The following LINGO2 variants were observed in gnomAD, a reference collection of about 807,000 sequenced individuals.
The protein encoded by LINGO2 is leucine-rich repeat and immunoglobulin-like domain-containing nogo receptor-interacting protein 2.
A neutral mutation model predicts 30.6 loss-of-function variants in LINGO2; 14 were observed. The ratio of observed to expected loss-of-function variants is 0.46; its 90% CI spans 0.30 to 0.72. LINGO2 has a LOEUF of 0.72. LINGO2 is among the 30% of genes least tolerant of loss of function. The pLI is 0.07. For missense variants in LINGO2, 729 were observed against 751.7 expected (o/e 0.97, Z 0.35); for synonymous variants, 317 against 288.5 (o/e 1.10, Z -1.00).
the LINGO2 span, among the ~76,000 whole-genome samples, chr9:28,940,090 C>T: frequency 6.6e-6 from 1 of 152,136 alleles, no homozygotes; most frequent in African/African-American, 2.4e-5. Flanking sequence ...CATCAGCCTC[C>T]AACTTTAGTC....
At chr9:28,311,051 G>C (rs1040439599) in intron 3 of LINGO2, among the ~76,000 whole-genome samples, 1 of 152,088 alleles carries the variant, frequency 6.6e-6, no homozygotes, top group African/African-American at 2.4e-5. Context: ...CTAAGTGTCA[G>C]CCGGTCTGAG....
At chr9:28,092,575 A>G (rs985235389) in intron 4 of LINGO2, among the ~76,000 whole-genome samples, 2 of 151,474 alleles carry the variant, frequency 1.3e-5, no homozygotes, top group African/African-American at 4.9e-5. Context: ...GAGGGATAGC[A>G]TTAAGAGATA....
chr9:28,422,475 C>T (rs1219887995), intron 2 of LINGO2, among the ~76,000 whole-genome samples: 1 of 151,632 alleles, frequency 6.6e-6, no homozygotes, highest in Non-Finnish European at 1.5e-5. Context: ...GAGCTACCAA[C>T]TAATACCCGC....
At chr9:29,124,661 A>C in the LINGO2 span, among the ~76,000 whole-genome samples, 1 of 152,152 alleles carries the variant, frequency 6.6e-6, no homozygotes, top group Non-Finnish European at 1.5e-5. Flanking sequence ...CATGAAAAAA[A>C]GTTCAATATC....
At chr9:29,109,802 A>T in the LINGO2 span, among the ~76,000 whole-genome samples, 1 of 152,210 alleles carries the variant, frequency 6.6e-6, no homozygotes, top group Non-Finnish European at 1.5e-5. Context: ...ATTTTTAAAG[A>T]TGCTTGGACA....
Position 28,669,958 on chromosome 9 carries a change from A to G in LINGO2, c.-365+242T>C, listed in dbSNP as rs145125717. 9.3e-4 allele frequency among the ~76,000 whole-genome samples: 141 copies of G among 152,206 alleles called. 1 individual carries two copies. In the East Asian group the frequency reaches 0.019, roughly 21 times the overall value. ...CTGTCAGAAACATATCATCACATAT[A>G]TAGTAGCTTTACAGAGAAAAATTTA... On this transcript the variant is annotated intron_variant, in intron 1 of 5. Coordinates refer to ENST00000379992, the Ensembl canonical transcript of LINGO2.
At chr9:28,848,629 G>A in the LINGO2 span, among the ~76,000 whole-genome samples, 1 of 150,680 alleles carries the variant, frequency 6.6e-6, no homozygotes, top group Non-Finnish European at 1.5e-5. Flanking sequence ...GTTATATCAA[G>A]TCAATGGTTT....
chr9:29,098,470 C>T, the LINGO2 span, among the ~76,000 whole-genome samples: 1 of 146,608 alleles, frequency 6.8e-6, no homozygotes, highest in Non-Finnish European at 1.5e-5. Flanking sequence ...CACACATATG[C>T]GCACACACAC....
chr9:29,171,637 CA>C, the LINGO2 span, among the ~76,000 whole-genome samples: 1 of 151,584 alleles, frequency 6.6e-6, no homozygotes, highest in Non-Finnish European at 1.5e-5. Flanking sequence ...GCTTAATAAG[CA>C]ATGATTCATT....
intron 3 of LINGO2, among the ~76,000 whole-genome samples, chr9:28,298,832 C>CACTGTTGT (rs1452645086): frequency 2.6e-5 from 4 of 152,112 alleles, no homozygotes; most frequent in African/African-American, 4.8e-5. Flanking sequence ...ATTGATAAAT[C>CACTGTTGT]ACTGTTGTAC....
chr9:28,746,368 G>A, the LINGO2 span, among the ~76,000 whole-genome samples: 3 of 152,072 alleles, frequency 2.0e-5, no homozygotes, highest in African/African-American at 7.2e-5. Flanking sequence ...TTGCTGGAAG[G>A]CACCACAGGA....
intron 1 of LINGO2, among the ~76,000 whole-genome samples, chr9:28,534,963 C>G (rs1385773738): frequency 3.3e-5 from 5 of 151,920 alleles, no homozygotes; most frequent in Non-Finnish European, 7.4e-5. Context: ...TATATACATA[C>G]ACACACTTTT....
At chr9:29,044,428 A>G in the LINGO2 span, among the ~76,000 whole-genome samples, 2 of 152,014 alleles carry the variant, frequency 1.3e-5, no homozygotes, top group African/African-American at 4.8e-5. Context: ...AGCAACATAA[A>G]TAAAGGAGAT....
the LINGO2 span, among the ~76,000 whole-genome samples, chr9:28,757,489 C>A: frequency 1.3e-5 from 2 of 151,900 alleles, no homozygotes; most frequent in African/African-American, 2.4e-5. Flanking sequence ...GGTAACTTGA[C>A]CCCCCTAAGA....
At chr9:28,312,367 AAT>A (rs2134260558) in intron 3 of LINGO2, among the ~76,000 whole-genome samples, 1 of 152,076 alleles carries the variant, frequency 6.6e-6, no homozygotes, top group Non-Finnish European at 1.5e-5. Flanking sequence ...AAGAGGGGGT[AAT>A]AGAGAGAGGG....
chr9:28,731,149 C>G, the LINGO2 span, among the ~76,000 whole-genome samples: 1 of 151,962 alleles, frequency 6.6e-6, no homozygotes, highest in East Asian at 1.9e-4. Context: ...ACCACCACAC[C>G]CGGCTAATTT....
chr9:28,016,989 A>G (rs1822873282), intron 4 of LINGO2, among the ~76,000 whole-genome samples: 1 of 152,192 alleles, frequency 6.6e-6, no homozygotes, highest in East Asian at 1.9e-4. Flanking sequence ...CAGCTAATTC[A>G]CCACGATCAA....
intron 4 of LINGO2, among the ~76,000 whole-genome samples, chr9:28,291,568 T>C (rs778175111): frequency 2.8e-4 from 43 of 152,186 alleles, no homozygotes; most frequent in Admixed American, 1.1e-3. Flanking sequence ...GAATAATACA[T>C]ATCTGAAATG....
rs567650683 is a variant in LINGO2 at position 28,400,872 on chromosome 9, C to T, written c.-278-28004G>A. ...AACATATGAGGGTGTTTGAATGTTA[C>T]ACAGAACTGCAAATAATTGGAAAGA... is the stretch of plus-strand genomic sequence containing the variant. On this transcript the variant is annotated intron_variant, in intron 2 of 5. Coordinates refer to ENST00000379992, the Ensembl canonical transcript of LINGO2. Among the ~76,000 whole-genome samples the T allele has an allele frequency of 5.8e-4, 88 of 152,252 alleles. 1 individual carries two copies. The South Asian group carries it at 0.018, about 31-fold the overall frequency.
Sources: allele counts gnomAD v4.1 joint callset (sites outside exome capture counted in the v4.1 genomes callset), GRCh38; gene constraint gnomAD v4.1.1; transcripts MANE v1.5; gene names NCBI Gene and HGNC (gene_info 2026-07-23, HGNC 2026-07-21).